Variants in DTHD1 observed in about 807,000 individuals in gnomAD.
The protein encoded by DTHD1 is death domain containing 1, also known as death domain-containing protein 1.
In DTHD1, 59 loss-of-function variants were observed where a neutral mutation model predicts 74.8. That is an observed-to-expected ratio of 0.79 (90% CI 0.64 to 0.98). The LOEUF is 0.98. Ranked by LOEUF, DTHD1 falls within the 50% of genes least tolerant of loss-of-function variation. The probability of loss-of-function intolerance (pLI) is 0.00; values close to 1 mark genes in which losing one functional copy is unlikely to be tolerated. For missense variants in DTHD1, 1,051 were observed against 1,065.4 expected (o/e 0.99, Z 0.19); for synonymous variants, 365 against 371.1 (o/e 0.98, Z 0.19).
At chr4:36,295,387 A>C (rs764451729) in intron 5 of DTHD1, among the ~76,000 whole-genome samples, 1 of 152,142 alleles carries the variant, frequency 6.6e-6, no homozygotes, top group African/African-American at 2.4e-5. Context: ...TACACTCAGT[A>C]AAAATAGCTA....
chr4:36,303,094 G>C (rs1578452501), intron 5 of DTHD1, among the ~76,000 whole-genome samples: 1 of 152,078 alleles, frequency 6.6e-6, no homozygotes, highest in African/African-American at 2.4e-5. Flanking sequence ...AGCAAAATTG[G>C]TCATTTTAAA....
rs980821778 is a variant in DTHD1 at position 36,281,845 on chromosome 4, C to G, written c.87C>G (p.Leu29=). Reference sequence around the variant, plus strand: ...AAAACCAGATGCTAAAGCAGGCACTCTTGGGTGATGACCTTTGTGAGGGGG... The same window carrying G: ...AAAACCAGATGCTAAAGCAGGCACTGTTGGGTGATGACCTTTGTGAGGGGG... ...WRQNQMLKQA[L]LGDDLCEGAG... Residue 29 remains leucine (L), a synonymous_variant, in exon 1 of 10, where the codon CTC becomes CTG. Coordinates refer to ENST00000639862, the MANE Select transcript of DTHD1 (RefSeq NM_001170700.3). The G allele has an allele frequency of 1.6e-6, 2 of 1,257,496 alleles. No individual in the cohort carries two copies. The highest frequency in any genetic ancestry group is 1.5e-5 in the African/African-American group (1 of 65,134). 77.9% of individuals were successfully genotyped at this position (1,257,496 alleles called of 1,614,324 possible).
In DTHD1 at chr4:36,343,767, G is replaced by T; in HGVS notation, c.2664G>T (p.Lys888Asn). 6.4e-7 allele frequency: 1 copy of T among 1,551,408 alleles called. No individual in the cohort carries two copies. The highest frequency in any genetic ancestry group is 8.7e-7 in the Non-Finnish European group (1 of 1,146,860). The change falls in exon 10 of 10, where the codon AAG (lysine) becomes AAT (asparagine). Residue 888 changes from lysine (K) to asparagine (N), a missense_variant. Physicochemically the swap from Lys to Asn is moderately conservative, Grantham distance 94. Transcript: ENST00000639862. ...RSDLAEELKF[K>N]WENKVFTEPQ... ...ATCTTGCAGAAGAGCTCAAATTCAA[G>T]TGGGAAAATAAAGTGTTCACTGAAC... is the stretch of plus-strand genomic sequence containing the variant.
chr4:36,308,501 T>A lies in DTHD1; in HGVS notation c.2095+8T>A. The A allele has an allele frequency of 6.5e-7, 1 of 1,536,300 alleles. No homozygotes were observed. Among genetic ancestry groups the A allele is most frequent in the South Asian group, 1.2e-5 (1 of 82,050 alleles). ...GAAACATATTTGCTTCAAGTAAGTA[T>A]AAAGAAATCTTTTTATATATTTTAT... On this transcript the variant is annotated splice_region_variant and intron_variant, in intron 7 of 9. Transcript: ENST00000639862.
At chr4:36,315,441 C>G (rs1299340447) in intron 7 of DTHD1, 1 of 152,132 alleles carries the variant, frequency 6.6e-6, no homozygotes, top group Admixed American at 6.6e-5. Flanking sequence ...ATTACGGTAG[C>G]CATTATGCCT....
At chr4:36,342,923 A>AAAAAG (rs1759400948) in intron 9 of DTHD1, among the ~76,000 whole-genome samples, 4 of 130,876 alleles carry the variant, frequency 3.1e-5, no homozygotes, top group Admixed American at 2.2e-4. Flanking sequence ...AAATACAAAA[A>AAAAAG]AAAAAAAAAA....
intron 5 of DTHD1, among the ~76,000 whole-genome samples, chr4:36,299,681 C>T (rs568597448): frequency 4.6e-5 from 7 of 152,216 alleles, no homozygotes; most frequent in Non-Finnish European, 8.8e-5. Context: ...TTTTAAATTC[C>T]GTATTGTTTA....
At position 36,346,637 on chromosome 4, in the gene DTHD1, C is replaced by T. The variant is rs913175718; in HGVS notation, c.*2813C>T. The stretch of plus-strand genomic sequence containing the variant: ...CCCATACCTTTGCATACCCATTTCT[C>T]TGTCTGGTGAGCCAACCTGTATGGA... On this transcript the variant is annotated 3_prime_UTR_variant, in exon 10 of 10. Transcript: ENST00000639862. Among the ~76,000 whole-genome samples the T allele has an allele frequency of 2.6e-5, 4 of 152,040 alleles. No individual in the cohort carries two copies. The highest frequency in any genetic ancestry group is 5.9e-5 in the Non-Finnish European group (4 of 68,012).
At chr4:36,288,685 T>C (rs1755868305) in intron 2 of DTHD1, among the ~76,000 whole-genome samples, 1 of 152,214 alleles carries the variant, frequency 6.6e-6, no homozygotes, top group African/African-American at 2.4e-5. Flanking sequence ...TGTATACCAG[T>C]GCCATGCCAC....
intron 2 of DTHD1, among the ~76,000 whole-genome samples, chr4:36,288,701 T>A (rs1028795250): frequency 6.6e-6 from 1 of 152,244 alleles, no homozygotes; most frequent in African/African-American, 2.4e-5. Flanking sequence ...GCCACATAAC[T>A]GTATTTTACT....
intron 2 of DTHD1, among the ~76,000 whole-genome samples, chr4:36,287,610 A>G (rs973099009): frequency 2.6e-5 from 4 of 152,226 alleles, no homozygotes; most frequent in African/African-American, 9.6e-5. Flanking sequence ...CACACAGTGT[A>G]AAAGTGTTCT....
chr4:36,307,933 C>A (rs1474161046), intron 6 of DTHD1, among the ~76,000 whole-genome samples: 1 of 152,110 alleles, frequency 6.6e-6, no homozygotes, highest in Non-Finnish European at 1.5e-5. Context: ...TGGTGTTGAA[C>A]TTCTGGGCTC....
intron 1 of DTHD1, 199 bp from the exon 2 acceptor site, chr4:36,283,777 T>C (rs1481979457): frequency 1.8e-6 from 1 of 559,392 alleles, no homozygotes; most frequent in Non-Finnish European, 3.1e-6. Context: ...TTAAAAATGG[T>C]TTGTTGTCAA....
At chr4:36,315,554 G>A (rs893842283) in intron 7 of DTHD1, 2 of 152,172 alleles carry the variant, frequency 1.3e-5, no homozygotes, top group African/African-American at 4.8e-5. Context: ...ATTGCCACAT[G>A]TTATAGGAGA....
At chr4:36,285,338 A>T (rs184682685) in intron 2 of DTHD1, among the ~76,000 whole-genome samples, 1 of 152,168 alleles carries the variant, frequency 6.6e-6, no homozygotes, top group Non-Finnish European at 1.5e-5. Context: ...CACTTTATTT[A>T]TATTCTCAAG....
Position 36,284,213 on chromosome 4 carries a change from A to T in DTHD1, c.509A>T (p.His170Leu). The T allele has an allele frequency of 6.5e-7, 1 of 1,537,190 alleles. No homozygotes were observed. Among genetic ancestry groups the T allele is most frequent in the South Asian group, 1.2e-5 (1 of 84,064 alleles). Residue 170 changes from histidine (H) to leucine (L), a missense_variant, in exon 2 of 10, where the codon CAT becomes CTT. His to Leu is a moderately conservative substitution (Grantham distance 99). Transcript: ENST00000639862. Reference sequence around the variant, plus strand: ...TCTCCCACAAATGGAGAGGAAAGTCATTACACAAACCAGGTCCAGTTAGAA... The same window carrying T: ...TCTCCCACAAATGGAGAGGAAAGTCTTTACACAAACCAGGTCCAGTTAGAA... ...TVSPTNGEESHYTNQVQLEKN... is the reference protein window; with the variant it reads ...TVSPTNGEESLYTNQVQLEKN...
intron 7 of DTHD1, among the ~76,000 whole-genome samples, chr4:36,315,187 TAAC>T: frequency 6.6e-6 from 1 of 152,306 alleles, no homozygotes; most frequent in East Asian, 1.9e-4. Context: ...ACTGTTGAAA[TAAC>T]AACGTGAAAT....
chr4:36,291,024 G>A lies in DTHD1; in HGVS notation c.1218+321G>A, dbSNP rs148700895. 1.6e-3 allele frequency among the ~76,000 whole-genome samples: 238 copies of A among 152,226 alleles called. 1 individual carries two copies. Among genetic ancestry groups the A allele is most frequent in the African/African-American group, 5.6e-3 (231 of 41,552 alleles). ...TTCAGACCAACATTTCTAATATGAT[G>A]GACCCTTGTCTAAATTTAAGAATGT... On this transcript the variant is annotated intron_variant, in intron 3 of 9. Coordinates refer to ENST00000639862, the MANE Select transcript of DTHD1 (RefSeq NM_001170700.3).
intron 7 of DTHD1, among the ~76,000 whole-genome samples, chr4:36,310,880 G>A (rs1440024167): frequency 6.6e-6 from 1 of 152,098 alleles, no homozygotes; most frequent in African/African-American, 2.4e-5. Flanking sequence ...AGGAGGGAGA[G>A]GAAGGAAGGG....
Sources: allele counts gnomAD v4.1 joint callset (sites outside exome capture counted in the v4.1 genomes callset), GRCh38; gene constraint gnomAD v4.1.1; transcripts MANE v1.5; gene names NCBI Gene and HGNC (gene_info 2026-07-23, HGNC 2026-07-21).